The following STK24 variants were observed in gnomAD, a reference collection of about 807,000 sequenced individuals.
STK24 encodes serine/threonine-protein kinase 24.
A neutral mutation model predicts 55.6 loss-of-function variants in STK24; 21 were observed. The observed-to-expected ratio is 0.38, with a 90% CI of 0.27 to 0.54. The LOEUF is 0.54. STK24 is among the 20% of genes least tolerant of loss of function. The pLI is 0.79. For missense variants in STK24, 383 were observed against 538.4 expected (o/e 0.71, Z 2.86); for synonymous variants, 200 against 215.2 (o/e 0.93, Z 0.62).
chr13:98,483,472 C>A (rs1894680396), intron 2 of STK24, among the ~76,000 whole-genome samples: 1 of 152,098 alleles, frequency 6.6e-6, no homozygotes, highest in Non-Finnish European at 1.5e-5. Flanking sequence ...CTTAGAACAC[C>A]CAAGGAAGAC....
chr13:98,453,358 T>A, intron 10 of STK24, 149 bp from the exon 11 acceptor site: 1 of 760,992 alleles, frequency 1.3e-6, no homozygotes, highest in Non-Finnish European at 2.1e-6. Context: ...AAGTCTAATT[T>A]TAAAAGAATG....
At chr13:98,554,304 G>A (rs1206099603) in intron 1 of STK24, among the ~76,000 whole-genome samples, 1 of 152,080 alleles carries the variant, frequency 6.6e-6, no homozygotes, top group African/African-American at 2.4e-5. Context: ...AATACCTACT[G>A]CTCTTTACAG....
rs775366742 is a variant in STK24, at chr13:98,466,499, G to A, written c.660C>T (p.Ser220=). Residue 220 remains serine, a synonymous_variant, in exon 6 of 11, where the codon TCC becomes TCT. Transcript: ENST00000539966. ...ATAAAACTTTCATGGGGTGCAGCTC[G>A]GAATGAGGTGGTTCCCCTCTTGCAA... The part of the protein sequence containing the change: ...IELARGEPPH[S]ELHPMKVLFL... 2.0e-5 allele frequency: 32 copies of A among 1,613,972 alleles called. No homozygotes were observed. Among genetic ancestry groups the A allele is most frequent in the South Asian group, 4.4e-5 (4 of 91,086 alleles).
At chr13:98,475,206 C>A (rs1894319592) in intron 4 of STK24, 44 bp downstream of exon 4, 3 of 1,544,260 alleles carry the variant, frequency 1.9e-6, no homozygotes, top group South Asian at 2.3e-5. Flanking sequence ...AACCCCACCA[C>A]CACCTTCAGT....
At chr13:98,546,191 T>A (rs1292068847) in intron 1 of STK24, among the ~76,000 whole-genome samples, 3 of 151,980 alleles carry the variant, frequency 2.0e-5, no homozygotes, top group African/African-American at 7.3e-5. Flanking sequence ...ACCCCCACTG[T>A]CCCCCAACCC....
intron 1 of STK24, among the ~76,000 whole-genome samples, chr13:98,537,109 G>A (rs1052186039): frequency 7.9e-5 from 12 of 152,214 alleles, no homozygotes; most frequent in African/African-American, 2.9e-4. Flanking sequence ...AGCTCCTTGA[G>A]TCCTCAAGCC....
chr13:98,525,901 C>T (rs1222076624), intron 1 of STK24, among the ~76,000 whole-genome samples: 1 of 152,256 alleles, frequency 6.6e-6, no homozygotes, highest in Non-Finnish European at 1.5e-5. Context: ...TTTCTCTACT[C>T]ACAACTTTCC....
At chr13:98,572,266 T>C (rs1435895861) in intron 1 of STK24, among the ~76,000 whole-genome samples, 1 of 152,136 alleles carries the variant, frequency 6.6e-6, no homozygotes, top group Non-Finnish European at 1.5e-5. Flanking sequence ...AGTCCAATGC[T>C]GTCAGTCACC....
intron 1 of STK24, among the ~76,000 whole-genome samples, chr13:98,527,912 T>C (rs1158683022): frequency 6.6e-6 from 1 of 152,214 alleles, no homozygotes; most frequent in Non-Finnish European, 1.5e-5. Flanking sequence ...CAGTTCATGC[T>C]GGCGTCTTGC....
intron 2 of STK24, among the ~76,000 whole-genome samples, chr13:98,505,799 C>T (rs557064404): frequency 6.6e-6 from 1 of 152,336 alleles, no homozygotes; most frequent in South Asian, 2.1e-4. Flanking sequence ...TATATATCAA[C>T]ACATCATTTC....
rs183848822 is a variant in STK24 at position 98,475,093 on chromosome 13, G to A, written c.440-115C>T. ...GAACCCACCGAGCACAGGCACCGGGGCTACACTTTTTGTCAGACCCCCTCA... is the reference window on the plus strand; with the variant it reads ...GAACCCACCGAGCACAGGCACCGGGACTACACTTTTTGTCAGACCCCCTCA... On this transcript the variant is annotated intron_variant, in intron 4 of 10. Transcript: ENST00000539966. The A allele has an allele frequency of 3.5e-6, 5 of 1,448,676 alleles. No individual in the cohort carries two copies. The Admixed American group carries it at 1.0e-4, about 30-fold the overall frequency. 89.7% of individuals were successfully genotyped at this position (1,448,676 alleles called of 1,614,324 possible).
chr13:98,504,227 C>G (rs1187128456), intron 2 of STK24, among the ~76,000 whole-genome samples: 1 of 151,532 alleles, frequency 6.6e-6, no homozygotes, highest in African/African-American at 2.4e-5. Context: ...AACTTTAAAA[C>G]AACAAACACA....
chr13:98,489,300 G>A (rs971047026), intron 2 of STK24, among the ~76,000 whole-genome samples: 3 of 152,290 alleles, frequency 2.0e-5, no homozygotes, highest in South Asian at 2.1e-4. Flanking sequence ...GCAGGCTTGC[G>A]AACCCGGAAG....
intron 2 of STK24, among the ~76,000 whole-genome samples, chr13:98,514,863 T>G (rs1448092349): frequency 6.6e-6 from 1 of 152,154 alleles, no homozygotes; most frequent in Admixed American, 6.6e-5. Context: ...ATTTTTTTAA[T>G]AAGGGAAAAT....
chr13:98,460,509 C>T lies in STK24; in HGVS notation c.1054-69G>A, dbSNP rs1893659469. 6.1e-6 allele frequency: 8 copies of T among 1,307,478 alleles called. No homozygotes were observed. The South Asian group carries it at 7.3e-5, about 12-fold the overall frequency. 81.0% of individuals were successfully genotyped at this position (1,307,478 alleles called of 1,614,324 possible). On this transcript the variant is annotated intron_variant, in intron 8 of 10. Coordinates refer to ENST00000539966, the MANE Select transcript of STK24 (RefSeq NM_001032296.4). ...TCACATTGGCAATAATTTAATAAAC[C>T]TCCCACCTGGACTATGGAAGCGCAG...
In STK24 at chr13:98,446,627, G is replaced by A. The variant is rs751716848; in HGVS notation, c.*6546C>T. 6.2e-7 allele frequency: 1 copy of A among 1,607,676 alleles called. No individual in the cohort carries two copies. Among genetic ancestry groups the A allele is most frequent in the Non-Finnish European group, 8.5e-7 (1 of 1,175,560 alleles). ...GCAGCCAGGCCCAGCAGCAGAAGCT[G>A]ACCCCGAAAAGCCACTTTGCTTTGT... On this transcript the variant is annotated 3_prime_UTR_variant, in exon 11 of 11. Transcript: ENST00000539966.
intron 1 of STK24, among the ~76,000 whole-genome samples, chr13:98,564,533 G>C (rs1181828800): frequency 6.6e-6 from 1 of 152,244 alleles, no homozygotes; most frequent in Non-Finnish European, 1.5e-5. Flanking sequence ...GAGCTGAAGA[G>C]CAGAGAGGAG....
At chr13:98,549,869 G>C (rs1897118793) in intron 1 of STK24, among the ~76,000 whole-genome samples, 1 of 152,128 alleles carries the variant, frequency 6.6e-6, no homozygotes, top group African/African-American at 2.4e-5. Flanking sequence ...AAACACAATT[G>C]CACTAAGATT....
At chr13:98,547,373 C>A (rs928920956) in intron 1 of STK24, among the ~76,000 whole-genome samples, 7 of 151,938 alleles carry the variant, frequency 4.6e-5, no homozygotes, top group Non-Finnish European at 7.4e-5. Flanking sequence ...ATAATGAGAC[C>A]CCATCTCCAC....
Sources: allele counts gnomAD v4.1 joint callset (sites outside exome capture counted in the v4.1 genomes callset), GRCh38; gene constraint gnomAD v4.1.1; transcripts MANE v1.5; gene names NCBI Gene and HGNC (gene_info 2026-07-23, HGNC 2026-07-21).